The following ARHGAP15 variants were observed in gnomAD, a reference collection of about 807,000 sequenced individuals.
The protein encoded by ARHGAP15 is rho GTPase-activating protein 15.
ARHGAP15 carries 51 observed loss-of-function variants against 63.7 expected under a neutral mutation model. The observed-to-expected ratio is 0.80, with a 90% CI of 0.64 to 1.01. ARHGAP15 has a LOEUF of 1.01. Ranked by LOEUF, ARHGAP15 falls within the 50% of genes least tolerant of loss-of-function variation. ARHGAP15 has a pLI of 0.00. For synonymous variants in ARHGAP15, 191 were observed against 193.8 expected, an observed-to-expected ratio of 0.99 and a Z score of 0.12; for missense variants, 560 against 564.6, an observed-to-expected ratio of 0.99 and a Z score of 0.08.
intron 6 of ARHGAP15, among the ~76,000 whole-genome samples, chr2:143,392,529 T>C (rs995476392): frequency 3.3e-4 from 50 of 152,146 alleles, no homozygotes; most frequent in Non-Finnish European, 5.3e-4. Context: ...ATCTCCACAA[T>C]ATATCCCCTT....
At chr2:143,459,714 G>A (rs549809608) in intron 8 of ARHGAP15, among the ~76,000 whole-genome samples, 95 of 152,250 alleles carry the variant, frequency 6.2e-4, no homozygotes, top group African/African-American at 2.2e-3. Context: ...CTAAAAGTCT[G>A]AATTGAAGTG....
intron 11 of ARHGAP15, among the ~76,000 whole-genome samples, chr2:143,582,514 C>T (rs1696951916): frequency 6.6e-6 from 1 of 152,084 alleles, no homozygotes; most frequent in Non-Finnish European, 1.5e-5. Context: ...GTAAGAGATT[C>T]GTTACAGAAG....
At chr2:143,571,514 G>A (rs757192500) in intron 11 of ARHGAP15, among the ~76,000 whole-genome samples, 1 of 152,082 alleles carries the variant, frequency 6.6e-6, no homozygotes, top group East Asian at 1.9e-4. Context: ...TGTGTTTCCT[G>A]GTAATTTAGA....
intron 11 of ARHGAP15, among the ~76,000 whole-genome samples, chr2:143,560,493 G>A (rs1362489411): frequency 1.3e-5 from 2 of 152,228 alleles, no homozygotes; most frequent in African/African-American, 2.4e-5. Flanking sequence ...CTAGATCCCA[G>A]ATCTGTCTGA....
intron 6 of ARHGAP15, among the ~76,000 whole-genome samples, chr2:143,320,375 A>C: frequency 7.2e-6 from 1 of 137,984 alleles, no homozygotes; most frequent in South Asian, 2.3e-4. Context: ...CACAGTAGGG[A>C]AATTGATAAA....
chr2:143,262,535 A>ATTTTTTT (rs67267617), intron 6 of ARHGAP15, among the ~76,000 whole-genome samples: 1,466 of 90,820 alleles, frequency 0.016, 48 homozygotes, highest in Non-Finnish European at 0.023. Context: ...TGAACCTTTG[A>ATTTTTTT]TTTTTTTTTT....
chr2:143,506,822 A>G (rs1007929622), intron 9 of ARHGAP15, among the ~76,000 whole-genome samples: 1 of 152,216 alleles, frequency 6.6e-6, no homozygotes, highest in Non-Finnish European at 1.5e-5. Context: ...AGAAAATATT[A>G]GACTAATTAG....
At chr2:143,690,040 G>A (rs2105390907) in intron 12 of ARHGAP15, among the ~76,000 whole-genome samples, 1 of 152,308 alleles carries the variant, frequency 6.6e-6, no homozygotes, top group Non-Finnish European at 1.5e-5. Flanking sequence ...AAGCTGCCCA[G>A]TTTTTTGGTT....
chr2:143,228,501 C>T, intron 4 of ARHGAP15, 80 bp from the exon 5 acceptor site: 1 of 891,884 alleles, frequency 1.1e-6, no homozygotes, highest in Non-Finnish European at 1.7e-6. Flanking sequence ...CTACTCATTC[C>T]AAATGTTGCT....
intron 2 of ARHGAP15, among the ~76,000 whole-genome samples, chr2:143,187,758 G>C (rs547527053): frequency 6.6e-6 from 1 of 152,202 alleles, no homozygotes; most frequent in African/African-American, 2.4e-5. Flanking sequence ...GATCTGATAA[G>C]GAAGTGGGAC....
chr2:143,401,842 C>T (rs1290061531), intron 6 of ARHGAP15, among the ~76,000 whole-genome samples: 1 of 151,924 alleles, frequency 6.6e-6, no homozygotes, highest in Non-Finnish European at 1.5e-5. Flanking sequence ...TACAGTTAAA[C>T]TAAACTTTTT....
chr2:143,759,500 C>T (rs1517915), intron 13 of ARHGAP15, among the ~76,000 whole-genome samples: 102,036 of 151,954 alleles, frequency 0.67, 34,653 homozygotes, highest in Admixed American at 0.77. Context: ...CTCTAAATGC[C>T]AACAGTGTCA....
At chr2:143,644,590 A>G (rs1216519375) in intron 12 of ARHGAP15, among the ~76,000 whole-genome samples, 1 of 152,078 alleles carries the variant, frequency 6.6e-6, no homozygotes, top group African/African-American at 2.4e-5. Flanking sequence ...AACACAGGTC[A>G]GTGTACCTTT....
chr2:143,250,439 A>G lies in ARHGAP15; in HGVS notation c.385-72A>G. 3.3e-6 allele frequency: 4 copies of G among 1,196,688 alleles called. No homozygotes were observed. The South Asian group carries it at 3.9e-5, about 12-fold the overall frequency. 74.1% of individuals were successfully genotyped at this position (1,196,688 alleles called of 1,614,324 possible). On this transcript the variant is annotated intron_variant, in intron 5 of 13. Coordinates refer to ENST00000295095, the MANE Select transcript of ARHGAP15 (RefSeq NM_018460.4). ...AAATATGTATAGCTGCTAACTCAAT[A>G]AACTCCTATTTCTCTGACATCTATC...
At position 143,703,406 on chromosome 2, in the gene ARHGAP15, T is replaced by A. The variant is rs781615782; in HGVS notation, c.1139-13T>A. On this transcript the variant is annotated splice_polypyrimidine_tract_variant and intron_variant, in intron 12 of 13. Coordinates refer to ENST00000295095, the MANE Select transcript of ARHGAP15 (RefSeq NM_018460.4). ...GTTTTTTCCCTAACCTTCCTTTTTA[T>A]TTTTTTTTCCAGAAAAGCAAGACAA... The A allele has an allele frequency of 1.3e-6, 2 of 1,543,388 alleles. No homozygotes were observed. The highest frequency in any genetic ancestry group is 1.4e-5 in the African/African-American group (1 of 71,862).
chr2:143,160,035 G>C (rs570911777), intron 2 of ARHGAP15, among the ~76,000 whole-genome samples: 1 of 151,796 alleles, frequency 6.6e-6, no homozygotes, highest in Non-Finnish European at 1.5e-5. Flanking sequence ...GGCATTCTCA[G>C]CGCTCAGGGT....
intron 6 of ARHGAP15, among the ~76,000 whole-genome samples, chr2:143,385,405 A>C (rs908516901): frequency 1.3e-5 from 2 of 152,076 alleles, no homozygotes; most frequent in Admixed American, 1.3e-4. Flanking sequence ...AATTCTCTTT[A>C]TTTCAACAGA....
intron 6 of ARHGAP15, among the ~76,000 whole-genome samples, chr2:143,391,062 G>A (rs1005534431): frequency 3.3e-5 from 5 of 152,078 alleles, no homozygotes; most frequent in Admixed American, 6.6e-5. Flanking sequence ...GTGGAAGCGC[G>A]GTAGAATATA....
At chr2:143,404,940 TATG>T (rs1455299534) in intron 6 of ARHGAP15, among the ~76,000 whole-genome samples, 1 of 151,992 alleles carries the variant, frequency 6.6e-6, no homozygotes, top group Admixed American at 6.6e-5. Flanking sequence ...GCATACGCAG[TATG>T]ATGTTTCTCA....
Sources: allele counts gnomAD v4.1 joint callset (sites outside exome capture counted in the v4.1 genomes callset), GRCh38; gene constraint gnomAD v4.1.1; transcripts MANE v1.5; gene names NCBI Gene and HGNC (gene_info 2026-07-23, HGNC 2026-07-21).